The following CSMD2 variants were observed in gnomAD, a reference collection of about 807,000 sequenced individuals.
The protein encoded by CSMD2 is CUB and Sushi multiple domains 2.
CSMD2 carries 130 observed loss-of-function variants against 398.5 expected under a neutral mutation model. The ratio of observed to expected loss-of-function variants is 0.33; its 90% CI spans 0.28 to 0.38. The LOEUF (loss-of-function observed/expected upper bound fraction) is 0.38. CSMD2 is among the 10% of genes least tolerant of loss of function. The pLI, the probability that CSMD2 is intolerant of heterozygous loss-of-function variation, is 1.00. For missense variants in CSMD2, 3,829 were observed against 4,764.9 expected, an observed-to-expected ratio of 0.80 and a Z score of 5.78; for synonymous variants, 1,828 against 1,908.5, an observed-to-expected ratio of 0.96 and a Z score of 1.10.
chr1:33,889,919 G>A (rs1374893008), intron 5 of CSMD2, among the ~76,000 whole-genome samples: 1 of 151,864 alleles, frequency 6.6e-6, no homozygotes, highest in Non-Finnish European at 1.5e-5. Flanking sequence ...TCTCAGGTAT[G>A]CTTTGAATTT....
intron 41 of CSMD2, among the ~76,000 whole-genome samples, chr1:33,607,463 G>C (rs1640693621): frequency 6.6e-6 from 1 of 152,184 alleles, no homozygotes; most frequent in Admixed American, 6.5e-5. Flanking sequence ...GGAAAAACCT[G>C]GGGAGAGTGG....
intron 1 of CSMD2, among the ~76,000 whole-genome samples, chr1:34,108,510 G>A (rs770314129): frequency 6.6e-6 from 1 of 152,176 alleles, no homozygotes; most frequent in Non-Finnish European, 1.5e-5. Context: ...GAGTAGCCCT[G>A]TCCATGGTCC....
intron 2 of CSMD2, among the ~76,000 whole-genome samples, chr1:34,071,141 T>G (rs1655695049): frequency 6.6e-6 from 1 of 152,226 alleles, no homozygotes; most frequent in Admixed American, 6.5e-5. Context: ...GAGACTGAAC[T>G]GGCACAGTGA....
Position 33,724,623 on chromosome 1 carries a change from C to T in CSMD2, c.2777G>A (p.Gly926Asp), listed in dbSNP as rs1263571492. 1.9e-6 allele frequency: 3 copies of T among 1,614,060 alleles called. No homozygotes were observed. Among genetic ancestry groups the T allele is most frequent in the Admixed American group, 1.7e-5 (1 of 60,004 alleles). Residue 926 changes from glycine to aspartate, a missense_variant, in exon 18 of 71, where the codon GGC (glycine) becomes GAC (aspartate). Transcript: ENST00000373381. Reference sequence around the variant, plus strand: ...GTCACAGCTGAAGGTCACCAGCGCGCCCACGTAGAAGTCATTCCCATGACG... The same window carrying T: ...GTCACAGCTGAAGGTCACCAGCGCGTCCACGTAGAAGTCATTCCCATGACG... ...GQRHGNDFYV[G>D]ALVTFSCDSG...
intron 53 of CSMD2, among the ~76,000 whole-genome samples, chr1:33,566,948 A>C (rs1659107288): frequency 6.6e-6 from 1 of 152,220 alleles, no homozygotes; most frequent in Non-Finnish European, 1.5e-5. Context: ...TATATAAATA[A>C]AACATGACAT....
chr1:33,530,600 C>T (rs1371149556), intron 64 of CSMD2, among the ~76,000 whole-genome samples: 1 of 152,036 alleles, frequency 6.6e-6, no homozygotes, highest in East Asian at 1.9e-4. Flanking sequence ...GAGTATATAT[C>T]CAAAGGAAAC....
At chr1:33,531,249 A>G (rs547977362) in intron 64 of CSMD2, among the ~76,000 whole-genome samples, 2 of 152,346 alleles carry the variant, frequency 1.3e-5, no homozygotes, top group East Asian at 3.9e-4. Context: ...TTAAAAAATA[A>G]TTGGATGAAA....
At chr1:33,729,898 A>C (rs865896408) in intron 15 of CSMD2, among the ~76,000 whole-genome samples, 2 of 152,330 alleles carry the variant, frequency 1.3e-5, no homozygotes, top group African/African-American at 4.8e-5. Flanking sequence ...GAATTTGGTA[A>C]TATCCAACAA....
chr1:33,889,632 AT>A (rs973265604), intron 5 of CSMD2, among the ~76,000 whole-genome samples: 29 of 150,128 alleles, frequency 1.9e-4, no homozygotes, highest in African/African-American at 5.8e-4. Flanking sequence ...TATTAGGGAA[AT>A]TGTTAAAAAA....
At chr1:33,932,124 G>A (rs1644332231) in intron 4 of CSMD2, among the ~76,000 whole-genome samples, 1 of 152,162 alleles carries the variant, frequency 6.6e-6, no homozygotes, top group Non-Finnish European at 1.5e-5. Context: ...CACTGAGCTG[G>A]GGAAGGCAAC....
At chr1:34,013,933 C>A (rs1369392044) in intron 3 of CSMD2, among the ~76,000 whole-genome samples, 1 of 152,184 alleles carries the variant, frequency 6.6e-6, no homozygotes, top group East Asian at 1.9e-4. Context: ...TCACACCTAA[C>A]AGTCTGAACT....
intron 3 of CSMD2, among the ~76,000 whole-genome samples, chr1:33,997,048 A>T (rs139978024): frequency 5.3e-5 from 8 of 152,328 alleles, no homozygotes; most frequent in Non-Finnish European, 1.0e-4. Context: ...AGTTCATCAC[A>T]TACTGGGTTT....
rs535042868 is a variant in CSMD2, at chr1:33,575,089, A to C, written c.7576+2207T>G. On this transcript the variant is annotated intron_variant, in intron 49 of 70. Coordinates refer to ENST00000373381, the MANE Select transcript of CSMD2 (RefSeq NM_001281956.2). ...TCTCATGATCTCCATGCCAAAATGC[A>C]GTCCCCAAAACCCGGTGGTAAGAGG... Among the ~76,000 whole-genome samples, 26 of 152,354 alleles carry C rather than the reference A, an allele frequency of 1.7e-4. No homozygotes were observed. The South Asian group carries it at 5.0e-3, about 29-fold the overall frequency.
intron 10 of CSMD2, among the ~76,000 whole-genome samples, chr1:33,802,994 C>G (rs1048211201): frequency 6.6e-6 from 1 of 152,204 alleles, no homozygotes. Context: ...GCTTCCCACC[C>G]TACTGCTGTC....
At chr1:33,572,407 C>A in intron 50 of CSMD2, 99 bp downstream of exon 50, 40 of 948,524 alleles carry the variant, frequency 4.2e-5, no homozygotes, top group East Asian at 5.8e-5. Context: ...TTTTTTTTTT[C>A]CCCCTCATTA....
chr1:33,820,896 C>A (rs985715622), intron 7 of CSMD2, among the ~76,000 whole-genome samples: 5 of 152,158 alleles, frequency 3.3e-5, no homozygotes, highest in Admixed American at 6.5e-5. Flanking sequence ...TGACCTCCCC[C>A]CACCACGCCT....
intron 2 of CSMD2, among the ~76,000 whole-genome samples, chr1:34,061,013 G>A (rs185419533): frequency 4.6e-5 from 7 of 152,252 alleles, no homozygotes; most frequent in African/African-American, 1.7e-4. Context: ...ATCCGTAGCC[G>A]TGGAAGAGTC....
chr1:34,073,453 C>A (rs2148305183), intron 2 of CSMD2, among the ~76,000 whole-genome samples: 1 of 152,232 alleles, frequency 6.6e-6, no homozygotes, highest in African/African-American at 2.4e-5. Context: ...TTTAATGAAT[C>A]CTTATTTAAA....
At chr1:34,090,220 C>T (rs1571078296) in intron 1 of CSMD2, among the ~76,000 whole-genome samples, 1 of 152,176 alleles carries the variant, frequency 6.6e-6, no homozygotes, top group African/African-American at 2.4e-5. Context: ...AGATCGACAC[C>T]GGGGTGGAGC....
Sources: allele counts gnomAD v4.1 joint callset (sites outside exome capture counted in the v4.1 genomes callset), GRCh38; gene constraint gnomAD v4.1.1; transcripts MANE v1.5; gene names NCBI Gene and HGNC (gene_info 2026-07-23, HGNC 2026-07-21).